Variants in LPXN observed in about 807,000 individuals in gnomAD.
The protein encoded by LPXN is leupaxin.
LPXN carries 28 observed loss-of-function variants against 45.6 expected under a neutral mutation model. The observed-to-expected ratio is 0.61, with a 90% CI of 0.45 to 0.84. LPXN has a LOEUF of 0.84. Among genes scored for constraint, LPXN ranks in the 40% least tolerant of loss-of-function variants. The pLI, the probability that LPXN is intolerant of heterozygous loss-of-function variation, is 0.00. For missense variants in LPXN, 459 were observed against 475.0 expected (o/e 0.97, Z 0.31); for synonymous variants, 166 against 169.9 (o/e 0.98, Z 0.18).
chr11:58,557,396 TCTG>T (rs1854236966), intron 3 of LPXN, among the ~76,000 whole-genome samples: 1 of 152,182 alleles, frequency 6.6e-6, no homozygotes, highest in Non-Finnish European at 1.5e-5. Flanking sequence ...AAAAGGAGAT[TCTG>T]CTATTTGTCA....
chr11:58,536,350 C>T (rs893502053), intron 7 of LPXN, among the ~76,000 whole-genome samples: 3 of 152,120 alleles, frequency 2.0e-5, no homozygotes, highest in Non-Finnish European at 2.9e-5. Context: ...TCAGAAATAA[C>T]ACCACACATC....
chr11:58,566,676 G>T (rs1158085561), intron 2 of LPXN, among the ~76,000 whole-genome samples: 1 of 152,152 alleles, frequency 6.6e-6, no homozygotes, highest in African/African-American at 2.4e-5. Context: ...CTTCGCTTTT[G>T]TAGGGAGAAA....
chr11:58,567,046 C>T (rs1854546627), intron 2 of LPXN, among the ~76,000 whole-genome samples: 1 of 151,704 alleles, frequency 6.6e-6, no homozygotes, highest in Non-Finnish European at 1.5e-5. Context: ...ATAATTTATA[C>T]ATTTTGACAA....
At chr11:58,532,673 C>G (rs1256020113) in intron 7 of LPXN, among the ~76,000 whole-genome samples, 1 of 152,208 alleles carries the variant, frequency 6.6e-6, no homozygotes, top group African/African-American at 2.4e-5. Context: ...CCAGTCAGCA[C>G]CCTGTCAAGA....
chr11:58,542,543 A>G lies in LPXN; in HGVS notation c.742+7243T>C, dbSNP rs79742590. 4.7e-3 allele frequency among the ~76,000 whole-genome samples: 722 copies of G among 152,132 alleles called. 8 individuals are homozygous for G. Among genetic ancestry groups the G allele is most frequent in the African/African-American group, 0.016 (662 of 41,550 alleles). ...AACATTATGTTTAATGATATTTATT[A>G]TAGTACTACTAAACACCAGAAGTAA... On this transcript the variant is annotated intron_variant, in intron 7 of 8. Coordinates refer to ENST00000395074, the MANE Select transcript of LPXN (RefSeq NM_004811.3).
At chr11:58,532,843 C>T (rs1442258297) in intron 7 of LPXN, among the ~76,000 whole-genome samples, 1 of 152,222 alleles carries the variant, frequency 6.6e-6, no homozygotes, top group African/African-American at 2.4e-5. Context: ...AAGTTTTGTT[C>T]TTTCACTCTT....
chr11:58,534,117 A>G (rs1853477696), intron 7 of LPXN, among the ~76,000 whole-genome samples: 1 of 152,198 alleles, frequency 6.6e-6, no homozygotes, highest in African/African-American at 2.4e-5. Context: ...CAGATCAATG[A>G]GACAGAAAAT....
chr11:58,552,037 A>C (rs145009448), intron 4 of LPXN, among the ~76,000 whole-genome samples: 3 of 152,338 alleles, frequency 2.0e-5, no homozygotes, highest in East Asian at 3.9e-4. Flanking sequence ...TAGGAACCTC[A>C]TGGTAAACGC....
At chr11:58,530,458 C>T (rs747210576) in intron 7 of LPXN, among the ~76,000 whole-genome samples, 33 of 152,192 alleles carry the variant, frequency 2.2e-4, no homozygotes, top group African/African-American at 5.8e-4. Context: ...TGGAGCCAAC[C>T]GCAGCTCAGC....
At chr11:58,577,193 C>G (rs1739772802), upstream of LPXN, among the ~76,000 whole-genome samples, 1 of 152,056 alleles carries the variant, frequency 6.6e-6, no homozygotes, top group Admixed American at 6.5e-5. Flanking sequence ...TTTGAGCATC[C>G]ATTGGATGTC....
intron 3 of LPXN, among the ~76,000 whole-genome samples, chr11:58,562,691 A>C (rs577621020): frequency 6.6e-6 from 1 of 152,354 alleles, no homozygotes; most frequent in African/African-American, 2.4e-5. Flanking sequence ...AGAAGTTACC[A>C]GAGCTAGGGG....
chr11:58,570,302 CAAAAAATAAAA>C (rs1461647653), intron 2 of LPXN, among the ~76,000 whole-genome samples: 5 of 137,190 alleles, frequency 3.6e-5, no homozygotes, highest in Non-Finnish European at 7.8e-5. Context: ...GACTCTGTCT[CAAAAAATAAAA>C]AAAAAATAAA....
intron 1 of LPXN, among the ~76,000 whole-genome samples, chr11:58,571,141 A>G (rs1232847864): frequency 1.3e-5 from 2 of 152,092 alleles, no homozygotes; most frequent in Non-Finnish European, 2.9e-5. Context: ...TAGGAGTTCC[A>G]GACCAGGGCA....
upstream of LPXN, among the ~76,000 whole-genome samples, chr11:58,576,608 G>A (rs1854899466): frequency 2.0e-5 from 3 of 152,168 alleles, no homozygotes; most frequent in Admixed American, 6.5e-5. Context: ...CTATAAAAAA[G>A]CAATACGTAA....
At chr11:58,546,328 T>C (rs1218229458) in intron 7 of LPXN, among the ~76,000 whole-genome samples, 1 of 152,162 alleles carries the variant, frequency 6.6e-6, no homozygotes, top group African/African-American at 2.4e-5. Flanking sequence ...TAAAGAACCA[T>C]TAGAAAGTTA....
intron 2 of LPXN, 104 bp from the exon 3 acceptor site, chr11:58,564,305 A>G: frequency 1.3e-6 from 1 of 755,800 alleles, no homozygotes; most frequent in Non-Finnish European, 2.3e-6. Flanking sequence ...TAGCTTTTAA[A>G]GGGGACTGAC....
chr11:58,547,509 C>T (rs1237386300), intron 7 of LPXN, among the ~76,000 whole-genome samples: 1 of 152,162 alleles, frequency 6.6e-6, no homozygotes. Flanking sequence ...CAAGTTAGAC[C>T]TTCCTGCCTT....
At chr11:58,572,677 TATTAA>T (rs1345604970) in intron 1 of LPXN, among the ~76,000 whole-genome samples, 1 of 152,150 alleles carries the variant, frequency 6.6e-6, no homozygotes, top group Admixed American at 6.5e-5. Context: ...AAGGAATTAA[TATTAA>T]GGCTGTTGTT....
At chr11:58,537,579 C>G (rs1011835848) in intron 7 of LPXN, among the ~76,000 whole-genome samples, 1 of 151,840 alleles carries the variant, frequency 6.6e-6, no homozygotes, top group Non-Finnish European at 1.5e-5. Flanking sequence ...TTGATGGGTG[C>G]AGCAAACCAC....
Sources: allele counts gnomAD v4.1 joint callset (sites outside exome capture counted in the v4.1 genomes callset), GRCh38; gene constraint gnomAD v4.1.1; transcripts MANE v1.5; gene names NCBI Gene and HGNC (gene_info 2026-07-23, HGNC 2026-07-21).